The following GABRA3 variants were observed in gnomAD, a reference collection of about 807,000 sequenced individuals.
GABRA3 encodes the protein gamma-aminobutyric acid type A receptor subunit alpha3.
A neutral mutation model predicts 30.1 loss-of-function variants in GABRA3; 10 were observed. That is an observed-to-expected ratio of 0.33 (90% CI 0.20 to 0.56). GABRA3 has a LOEUF of 0.56. Ranked by LOEUF, GABRA3 falls within the 20% of genes least tolerant of loss-of-function variation. GABRA3 has a pLI of 0.89. For missense variants in GABRA3, 233 were observed against 392.0 expected (o/e 0.59, Z 3.42); for synonymous variants, 151 against 146.8 (o/e 1.03, Z -0.21).
chrX:152,429,336 C>T (rs912177598), intron 1 of GABRA3, among the ~76,000 whole-genome samples: 1 of 103,711 alleles, frequency 9.6e-6, no homozygotes, highest in Non-Finnish European at 2.0e-5. Flanking sequence ...AGCAGCATTA[C>T]TGGCCTCACA....
chrX:152,430,362 T>C (rs1261249473), intron 1 of GABRA3, among the ~76,000 whole-genome samples: 1 of 110,791 alleles, frequency 9.0e-6, no homozygotes, highest in Non-Finnish European at 1.9e-5. Context: ...ACCAATAATA[T>C]TGAATATATG....
intron 1 of GABRA3, among the ~76,000 whole-genome samples, chrX:152,395,096 G>C (rs1338605688): frequency 9.1e-6 from 1 of 110,476 alleles, no homozygotes; most frequent in Admixed American, 9.7e-5. Context: ...TGGCCCAAGA[G>C]AAGATGACAG....
At chrX:152,391,590 C>T (rs1028081853) in intron 1 of GABRA3, among the ~76,000 whole-genome samples, 8 of 111,480 alleles carry the variant, frequency 7.2e-5, no homozygotes, top group African/African-American at 1.3e-4. Context: ...CCAATATACA[C>T]TGAAAGGTGA....
chrX:152,173,138 A>C (rs1035562423), intron 9 of GABRA3, among the ~76,000 whole-genome samples: 3 of 110,833 alleles, frequency 2.7e-5, no homozygotes, highest in Admixed American at 1.9e-4. Context: ...AAGGGAGTTC[A>C]AGAGAAGGAA....
chrX:152,393,030 T>C (rs1416257460), intron 1 of GABRA3, among the ~76,000 whole-genome samples: 1 of 111,971 alleles, frequency 8.9e-6, no homozygotes, highest in Non-Finnish European at 1.9e-5. Flanking sequence ...CATTTGACTA[T>C]GATGGCTACC....
chrX:152,437,987 A>T (rs1930820226), intron 1 of GABRA3, among the ~76,000 whole-genome samples: 1 of 112,201 alleles, frequency 8.9e-6, no homozygotes. Context: ...AAAATTTAAG[A>T]TCTTTGCTCT....
chrX:152,312,981 CTT>C (rs1266258187), intron 3 of GABRA3, among the ~76,000 whole-genome samples: 1 of 111,645 alleles, frequency 9.0e-6, no homozygotes, highest in Admixed American at 9.5e-5. Flanking sequence ...ATAAGGTAAA[CTT>C]TATACAGTGC....
intron 5 of GABRA3, among the ~76,000 whole-genome samples, chrX:152,250,873 C>T (rs1938542168): frequency 9.0e-6 from 1 of 110,917 alleles, no homozygotes; most frequent in Non-Finnish European, 1.9e-5. Flanking sequence ...AATAGGGGTG[C>T]TATAGAATAA....
intron 5 of GABRA3, among the ~76,000 whole-genome samples, chrX:152,241,894 A>G (rs12007012): frequency 0.023 from 2,519 of 111,014 alleles, 43 homozygotes; most frequent in Middle Eastern, 0.06. Flanking sequence ...ACTGGCCTGC[A>G]CCCACTGTCT....
intron 4 of GABRA3, among the ~76,000 whole-genome samples, chrX:152,275,170 T>C (rs1404767292): frequency 1.3e-5 from 1 of 78,028 alleles, no homozygotes; most frequent in South Asian, 5.4e-4. Context: ...ATATATATAA[T>C]TTATATATAT....
intron 4 of GABRA3, among the ~76,000 whole-genome samples, chrX:152,270,261 C>A (rs182296887): frequency 2.0e-4 from 22 of 111,214 alleles, no homozygotes; most frequent in Admixed American, 5.7e-4. Flanking sequence ...GCTTTCCCCC[C>A]CTTTACTTGA....
intron 1 of GABRA3, among the ~76,000 whole-genome samples, chrX:152,424,282 A>G (rs556561838): frequency 7.4e-5 from 8 of 108,829 alleles, no homozygotes; most frequent in African/African-American, 2.7e-4. Context: ...CTAACTTTTT[A>G]TCAATTTTAC....
At chrX:152,225,300 A>AACAG (rs1478824027) in intron 5 of GABRA3, among the ~76,000 whole-genome samples, 1 of 110,541 alleles carries the variant, frequency 9.0e-6, no homozygotes, top group Non-Finnish European at 1.9e-5. Context: ...CCTGATCATT[A>AACAG]ACAGACAGAC....
At chrX:152,289,615 C>A (rs920541126) in intron 3 of GABRA3, among the ~76,000 whole-genome samples, 14 of 110,843 alleles carry the variant, frequency 1.3e-4, no homozygotes, top group African/African-American at 4.3e-4. Flanking sequence ...TTGCTGCACC[C>A]ATTAATTCAT....
At chrX:152,248,869 C>T (rs929670715) in intron 5 of GABRA3, among the ~76,000 whole-genome samples, 1 of 111,434 alleles carries the variant, frequency 9.0e-6, no homozygotes, top group Non-Finnish European at 1.9e-5. Flanking sequence ...AATGCATTTG[C>T]GAATTAGCTA....
At chrX:152,182,374 CTATA>C (rs1177672915) in intron 9 of GABRA3, among the ~76,000 whole-genome samples, 1 of 93,913 alleles carries the variant, frequency 1.1e-5, no homozygotes, top group Non-Finnish European at 2.1e-5. Flanking sequence ...TATATATACA[CTATA>C]TATAGTGTAT....
chrX:152,406,329 T>C (rs1250286172), intron 1 of GABRA3, among the ~76,000 whole-genome samples: 1 of 109,773 alleles, frequency 9.1e-6, no homozygotes, highest in African/African-American at 3.3e-5. Flanking sequence ...ATGCTGTCTG[T>C]AAGAAATTCA....
chrX:152,240,619 C>G (rs1043126999), intron 5 of GABRA3, among the ~76,000 whole-genome samples: 1 of 97,018 alleles, frequency 1.0e-5, no homozygotes, highest in Admixed American at 1.1e-4. Context: ...CTCCCCATCA[C>G]TTTCAGGTAC....
chrX:152,331,403 TGAG>T (rs1940164286), intron 3 of GABRA3, among the ~76,000 whole-genome samples: 2 of 111,257 alleles, frequency 1.8e-5, no homozygotes, highest in African/African-American at 6.5e-5. Flanking sequence ...AGTTTCTTCA[TGAG>T]TTAACATTCT....
Sources: allele counts gnomAD v4.1 joint callset (sites outside exome capture counted in the v4.1 genomes callset), GRCh38; gene constraint gnomAD v4.1.1; transcripts MANE v1.5; gene names NCBI Gene and HGNC (gene_info 2026-07-23, HGNC 2026-07-21).